Variants in TMEM245 observed in about 807,000 individuals in gnomAD.
TMEM245 encodes the protein transmembrane protein 245, also known as protein CG-2.
In TMEM245, 69 loss-of-function variants were observed where a neutral mutation model predicts 101.2. That is an observed-to-expected ratio of 0.68 (90% CI 0.56 to 0.83). TMEM245 has a LOEUF of 0.83. TMEM245 is among the 40% of genes least tolerant of loss of function. TMEM245 has a pLI of 0.00. For missense variants in TMEM245, 1,075 were observed against 1,092.8 expected (o/e 0.98, Z 0.23); for synonymous variants, 537 against 449.8 (o/e 1.19, Z -2.45).
intron 16 of TMEM245, 76 bp downstream of exon 16, chr9:109,036,127 GAAA>G: frequency 7.7e-7 from 1 of 1,290,836 alleles, no homozygotes; most frequent in Non-Finnish European, 1.0e-6. Context: ...ACCCCCAGGA[GAAA>G]AAAATCCTCC....
At chr9:109,107,317 T>C (rs1320690504) in intron 2 of TMEM245, among the ~76,000 whole-genome samples, 2 of 151,190 alleles carry the variant, frequency 1.3e-5, no homozygotes, top group East Asian at 1.9e-4. Flanking sequence ...GAGAATTGCT[T>C]GAACCCAGGA....
At chr9:109,022,854 C>T (rs1159364653) in intron 17 of TMEM245, among the ~76,000 whole-genome samples, 1 of 152,182 alleles carries the variant, frequency 6.6e-6, no homozygotes, top group African/African-American at 2.4e-5. Flanking sequence ...TAATACCCAA[C>T]GGGGTTCCCT....
chr9:109,115,645 C>T (rs1010894991), intron 1 of TMEM245, among the ~76,000 whole-genome samples: 9 of 150,036 alleles, frequency 6.0e-5, no homozygotes, highest in Non-Finnish European at 1.0e-4. Flanking sequence ...ATTCTCCTGC[C>T]TCAGCCTCCA....
At chr9:109,033,283 T>C in intron 17 of TMEM245, 24 bp downstream of exon 17, 1 of 1,572,632 alleles carries the variant, frequency 6.4e-7, no homozygotes, top group Non-Finnish European at 8.6e-7. Context: ...AAATACAGCT[T>C]ATGATTATTC....
intron 11 of TMEM245, among the ~76,000 whole-genome samples, chr9:109,058,966 G>C (rs930984420): frequency 6.6e-6 from 1 of 152,116 alleles, no homozygotes; most frequent in Non-Finnish European, 1.5e-5. Context: ...TACCAGAGGG[G>C]TGTCTTAGGA....
At chr9:109,098,511 C>G (rs563969037) in intron 3 of TMEM245, among the ~76,000 whole-genome samples, 1 of 151,528 alleles carries the variant, frequency 6.6e-6, no homozygotes, top group Non-Finnish European at 1.5e-5. Flanking sequence ...TGATACCCTT[C>G]AGCACCTCAA....
intron 9 of TMEM245, among the ~76,000 whole-genome samples, chr9:109,069,071 G>A (rs183931905): frequency 2.2e-4 from 33 of 152,208 alleles, no homozygotes; most frequent in Non-Finnish European, 4.4e-4. Context: ...GAGGGGATGG[G>A]GTGAAGAGTA....
chr9:109,036,002 A>C, intron 16 of TMEM245: 1 of 241,566 alleles, frequency 4.1e-6, no homozygotes, highest in Admixed American at 5.7e-5. Flanking sequence ...AAAAAAAAAA[A>C]AAAAAACCCC....
At chr9:109,091,846 T>C (rs577655104) in intron 4 of TMEM245, among the ~76,000 whole-genome samples, 6 of 152,248 alleles carry the variant, frequency 3.9e-5, no homozygotes, top group South Asian at 2.1e-4. Context: ...ACATCAGAAA[T>C]CATAAAACTC....
chr9:109,082,684 T>C (rs1360622275), intron 7 of TMEM245, among the ~76,000 whole-genome samples: 1 of 152,104 alleles, frequency 6.6e-6, no homozygotes, highest in Non-Finnish European at 1.5e-5. Context: ...TATCCTGAAA[T>C]GTATTTTTAA....
intron 11 of TMEM245, among the ~76,000 whole-genome samples, chr9:109,058,351 AG>A (rs1828909486): frequency 6.6e-6 from 1 of 152,050 alleles, no homozygotes; most frequent in South Asian, 2.1e-4. Context: ...AAATGAGGAC[AG>A]AAGAATATAA....
intron 15 of TMEM245, among the ~76,000 whole-genome samples, chr9:109,037,151 A>C (rs923105829): frequency 2.6e-5 from 4 of 152,304 alleles, no homozygotes; most frequent in African/African-American, 9.6e-5. Context: ...GCAGCCATAG[A>C]AATAAAGGAA....
At chr9:109,084,460 A>C (rs1829776026) in intron 7 of TMEM245, among the ~76,000 whole-genome samples, 1 of 152,224 alleles carries the variant, frequency 6.6e-6, no homozygotes, top group South Asian at 2.1e-4. Context: ...AGTCTCATAA[A>C]TTAGGTAATC....
rs1216259562 is a variant in TMEM245 at position 109,020,401 on chromosome 9, G to A, written c.*59C>T. On this transcript the variant is annotated 3_prime_UTR_variant, in exon 18 of 18. Coordinates refer to ENST00000374586, the MANE Select transcript of TMEM245 (RefSeq NM_032012.4). ...GCTGGAAGGGCAGAGGGCCACAGCT[G>A]AGCTGAACTCGCTGTCAAATTTGAA... The A allele has an allele frequency of 3.9e-6, 6 of 1,539,904 alleles. No individual in the cohort carries two copies. Among genetic ancestry groups the A allele is most frequent in the Non-Finnish European group, 5.4e-6 (6 of 1,112,436 alleles).
chr9:109,108,442 A>ATT lies in TMEM245; in HGVS notation c.697+10_697+11insAA. On this transcript the variant is annotated intron_variant, in intron 2 of 17. Coordinates refer to ENST00000374586, the MANE Select transcript of TMEM245 (RefSeq NM_032012.4). Reference sequence around the variant, plus strand: ...ACTTAAAAAAAAAAAAAAAAAAAAGAAGGAACCCACCTAAATGAAAAAGCA... The same window carrying ATT: ...ACTTAAAAAAAAAAAAAAAAAAAAGATTAGGAACCCACCTAAATGAAAAAGCA... 7.0e-7 allele frequency: 1 copy of ATT among 1,436,764 alleles called. No individual in the cohort carries two copies. Among genetic ancestry groups the ATT allele is most frequent in the Non-Finnish European group, 9.4e-7 (1 of 1,062,564 alleles). 89.0% of individuals were successfully genotyped at this position (1,436,764 alleles called of 1,614,324 possible).
chr9:109,021,505 T>C (rs1181003509), intron 17 of TMEM245, among the ~76,000 whole-genome samples: 2 of 137,164 alleles, frequency 1.5e-5, no homozygotes, highest in Non-Finnish European at 3.2e-5. Flanking sequence ...TTTTGTTTGT[T>C]TGTTTGTTTT....
chr9:109,099,595 A>G (rs1277778142), intron 3 of TMEM245, among the ~76,000 whole-genome samples: 1 of 152,186 alleles, frequency 6.6e-6, no homozygotes, highest in Non-Finnish European at 1.5e-5. Context: ...AAGTTTCTTC[A>G]TTTGTAAAAT....
intron 5 of TMEM245, 66 bp downstream of exon 5, chr9:109,090,856 A>G (rs1289268337): frequency 6.8e-7 from 1 of 1,467,590 alleles, no homozygotes; most frequent in Admixed American, 2.1e-5. Flanking sequence ...TTAAAATCCA[A>G]AAGTAAAAAA....
chr9:109,085,342 T>C (rs918721870), intron 7 of TMEM245, among the ~76,000 whole-genome samples: 2 of 152,264 alleles, frequency 1.3e-5, no homozygotes, highest in Non-Finnish European at 2.9e-5. Context: ...ATTCCTAATG[T>C]ATCTGGATTA....
Sources: gnomAD v4.1 joint callset for allele counts (sites outside exome capture counted in the v4.1 genomes callset) on GRCh38, gnomAD v4.1.1 for gene constraint, MANE v1.5 for transcripts, NCBI Gene and HGNC (gene_info 2026-07-23, HGNC 2026-07-21) for gene names.